The following EPHA4 variants were observed in gnomAD, a reference collection of about 807,000 sequenced individuals.
EPHA4 encodes ephrin type-A receptor 4.
Under a neutral mutation model 108.3 loss-of-function variants are expected in EPHA4, and 19 were observed. That is an observed-to-expected ratio of 0.18 (90% CI 0.12 to 0.26). EPHA4 has a LOEUF of 0.26. Ranked by LOEUF, EPHA4 falls within the 10% of genes least tolerant of loss-of-function variation. EPHA4 has a pLI of 1.00. For missense variants in EPHA4, 917 were observed against 1,254.0 expected (o/e 0.73, Z 4.06); for synonymous variants, 449 against 455.5 (o/e 0.99, Z 0.18).
At chr2:221,450,925 G>A (rs2106112932) in intron 8 of EPHA4, among the ~76,000 whole-genome samples, 1 of 152,230 alleles carries the variant, frequency 6.6e-6, no homozygotes, top group Non-Finnish European at 1.5e-5. Flanking sequence ...ATAAAATACT[G>A]TTTTGGGGCC....
At chr2:221,499,740 ATATATATATATATATAT>A (rs1399839248) in intron 4 of EPHA4, among the ~76,000 whole-genome samples, 1 of 54,458 alleles carries the variant, frequency 1.8e-5, no homozygotes, top group Non-Finnish European at 3.3e-5. Context: ...ATATATATAT[ATATATATATATATATAT>A]TTTTTTTTTT....
intron 11 of EPHA4, among the ~76,000 whole-genome samples, chr2:221,438,166 C>G (rs1328492532): frequency 6.6e-6 from 1 of 151,698 alleles, no homozygotes; most frequent in African/African-American, 2.4e-5. Context: ...CTTATTTCCC[C>G]CATTCCCCCT....
At chr2:221,522,751 TATTATTATTATTATTA>T (rs1559278046) in intron 3 of EPHA4, among the ~76,000 whole-genome samples, 1 of 37,050 alleles carries the variant, frequency 2.7e-5, no homozygotes, top group Admixed American at 2.2e-4. Flanking sequence ...TTATTATTAT[TATTATTATTATTATTA>T]TTATTATTTT....
At chr2:221,573,705 C>T (rs946500300), upstream of EPHA4, 3 of 152,322 alleles carry the variant, frequency 2.0e-5, no homozygotes, top group East Asian at 5.8e-4. The surrounding 1 kb of genome is among the most constrained non-coding windows in gnomAD (Gnocchi z 4.5). Context: ...ACCTGCCGGC[C>T]AGATGCGGGA....
intron 3 of EPHA4, among the ~76,000 whole-genome samples, chr2:221,530,739 G>A (rs1374059215): frequency 6.6e-6 from 1 of 152,206 alleles, no homozygotes; most frequent in East Asian, 1.9e-4. Context: ...GGGTGTATCT[G>A]TAGCCCTGCC....
chr2:221,524,985 G>A (rs191105288), intron 3 of EPHA4, among the ~76,000 whole-genome samples: 284 of 151,994 alleles, frequency 1.9e-3, no homozygotes, highest in Admixed American at 7.0e-3. Flanking sequence ...AAGGAGTGCT[G>A]GAGAGAGAAA....
intron 3 of EPHA4, among the ~76,000 whole-genome samples, chr2:221,559,255 T>C (rs942404994): frequency 6.6e-6 from 1 of 152,242 alleles, no homozygotes; most frequent in African/African-American, 2.4e-5. Context: ...TTGTCATAGT[T>C]GTAATCATTT....
intron 3 of EPHA4, among the ~76,000 whole-genome samples, chr2:221,550,165 C>A (rs1056143437): frequency 3.3e-5 from 5 of 152,124 alleles, no homozygotes; most frequent in African/African-American, 1.2e-4. Flanking sequence ...ATTTGAAAAG[C>A]AACTGAACAA....
At chr2:221,464,074 A>C (rs1691231444) in intron 5 of EPHA4, among the ~76,000 whole-genome samples, 1 of 152,116 alleles carries the variant, frequency 6.6e-6, no homozygotes, top group African/African-American at 2.4e-5. Context: ...AAGTCAAGAC[A>C]CCTGAAGCCA....
chr2:221,534,263 A>G (rs1693600442), intron 3 of EPHA4, among the ~76,000 whole-genome samples: 1 of 152,200 alleles, frequency 6.6e-6, no homozygotes, highest in African/African-American at 2.4e-5. Context: ...TAATTAGTAA[A>G]TCATTGGTGT....
Position 221,434,152 on chromosome 2 carries a change from G to T in EPHA4, c.2486C>A (p.Ser829Tyr), listed in dbSNP as rs1424977340. Residue 829 changes from serine (S) to tyrosine (Y), a missense_variant, in exon 14 of 18, where the codon TCC becomes TAC. Coordinates refer to ENST00000281821, the MANE Select transcript of EPHA4 (RefSeq NM_004438.5). ...AACATAGAGACTTACATCTTGATTG[G>T]ACATATCCCAATAGGGCCTCTCCCC... ...SYGERPYWDMSNQDVIKAIEE... is the reference protein window; with the variant it reads ...SYGERPYWDMYNQDVIKAIEE... The T allele has an allele frequency of 6.2e-7, 1 of 1,612,816 alleles. No homozygotes were observed. The highest frequency in any genetic ancestry group is 8.5e-7 in the Non-Finnish European group (1 of 1,179,532).
rs144446761 is a variant in EPHA4, at chr2:221,475,846, A to T, written c.1318+6506T>A. ...TTCGTGGGTTGTCCCAATCTGGAGG[A>T]TTCGATTTGGCCCTTGGGCCATAGC... is the stretch of plus-strand genomic sequence containing the variant. On this transcript the variant is annotated intron_variant, in intron 5 of 17. Coordinates refer to ENST00000281821, the MANE Select transcript of EPHA4 (RefSeq NM_004438.5). 6.2e-3 allele frequency among the ~76,000 whole-genome samples: 939 copies of T among 152,314 alleles called. 13 individuals are homozygous for T. The highest frequency in any genetic ancestry group is 0.021 in the African/African-American group (882 of 41,580).
chr2:221,489,094 T>A (rs1692063242), intron 4 of EPHA4, among the ~76,000 whole-genome samples: 1 of 152,186 alleles, frequency 6.6e-6, no homozygotes, highest in African/African-American at 2.4e-5. Flanking sequence ...ATGTCTCCAG[T>A]GTGTCTATAA....
At chr2:221,563,528 T>C (rs1480350254) in intron 3 of EPHA4, among the ~76,000 whole-genome samples, 1 of 152,228 alleles carries the variant, frequency 6.6e-6, no homozygotes, top group Non-Finnish European at 1.5e-5. Context: ...TTCTGCTGAT[T>C]ACAGCAGCAT....
Position 221,442,818 on chromosome 2 carries a change from G to A in EPHA4, c.2074+11C>T. 2 of 1,613,576 alleles carry A rather than the reference G, an allele frequency of 1.2e-6. No homozygotes were observed. The highest frequency in any genetic ancestry group is 2.2e-5 in the East Asian group (1 of 44,878). ...TCTAGCTTGGCTTTGTAAAGGGGGTGACCCACGTACATTTAGTGACCACGC... is the reference window on the plus strand; with the variant it reads ...TCTAGCTTGGCTTTGTAAAGGGGGTAACCCACGTACATTTAGTGACCACGC... On this transcript the variant is annotated intron_variant, in intron 11 of 17. Coordinates refer to ENST00000281821, the MANE Select transcript of EPHA4 (RefSeq NM_004438.5).
At chr2:221,443,035 C>G in intron 10 of EPHA4, 21 bp from the exon 11 acceptor site, 2 of 1,607,028 alleles carry the variant, frequency 1.2e-6, no homozygotes, top group South Asian at 1.1e-5. Context: ...GAAAAAGAAT[C>G]TACGATGGAC....
At chr2:221,536,133 C>G (rs1693662853) in intron 3 of EPHA4, among the ~76,000 whole-genome samples, 1 of 152,188 alleles carries the variant, frequency 6.6e-6, no homozygotes, top group African/African-American at 2.4e-5. Flanking sequence ...CAAAAGAGCA[C>G]TTTATCTTAT....
chr2:221,432,646 AT>A (rs35949341), intron 14 of EPHA4, among the ~76,000 whole-genome samples: 241 of 142,014 alleles, frequency 1.7e-3, no homozygotes, highest in Non-Finnish European at 1.5e-3. Flanking sequence ...TGCACCGAAC[AT>A]TTTTTTTTTT....
intron 4 of EPHA4, among the ~76,000 whole-genome samples, chr2:221,499,750 A>T (rs1421787839): frequency 0.021 from 965 of 46,236 alleles, 46 homozygotes; most frequent in Non-Finnish European, 0.028. Flanking sequence ...ATATATATAT[A>T]TATATATTTT....
Sources: gnomAD v4.1 joint callset for allele counts (sites outside exome capture counted in the v4.1 genomes callset) on GRCh38, gnomAD v4.1.1 for gene constraint, Gnocchi (gnomAD v3.1) non-coding constraint, MANE v1.5 for transcripts, NCBI Gene and HGNC (gene_info 2026-07-23, HGNC 2026-07-21) for gene names.